The following SLC25A17 variants were observed in gnomAD, a reference collection of about 807,000 sequenced individuals.
SLC25A17 encodes solute carrier family 25 member 17, also known as peroxisomal membrane protein PMP34.
In SLC25A17, 26 loss-of-function variants were observed where a neutral mutation model predicts 38.5. The observed-to-expected ratio is 0.68, with a 90% CI of 0.50 to 0.94. The LOEUF is 0.94. Among genes scored for constraint, SLC25A17 ranks in the 40% least tolerant of loss-of-function variants. SLC25A17 has a pLI of 0.00. For synonymous variants in SLC25A17, 139 were observed against 136.2 expected, an observed-to-expected ratio of 1.02 and a Z score of -0.14; for missense variants, 333 against 372.7, an observed-to-expected ratio of 0.89 and a Z score of 0.88.
intron 4 of SLC25A17, among the ~76,000 whole-genome samples, chr22:40,785,671 G>A (rs942738539): frequency 3.9e-5 from 6 of 152,096 alleles, no homozygotes; most frequent in Non-Finnish European, 8.8e-5. Context: ...GGAAGCAACT[G>A]GAAGGCTCTG....
chr22:40,799,329 G>C (rs1186115427), intron 1 of SLC25A17, among the ~76,000 whole-genome samples: 1 of 151,232 alleles, frequency 6.6e-6, no homozygotes, highest in Non-Finnish European at 1.5e-5. Context: ...TAAAGATGGG[G>C]GTCTCACTTT....
At chr22:40,814,780 TATATATA>T (rs2057619742) in intron 1 of SLC25A17, among the ~76,000 whole-genome samples, 2 of 131,130 alleles carry the variant, frequency 1.5e-5, no homozygotes, top group Admixed American at 7.2e-5. Context: ...TATATATATA[TATATATA>T]TATTGTTGTT....
At chr22:40,812,018 T>A (rs1568989597) in intron 1 of SLC25A17, among the ~76,000 whole-genome samples, 1 of 151,938 alleles carries the variant, frequency 6.6e-6, no homozygotes, top group Non-Finnish European at 1.5e-5. Context: ...GATTTCTTTC[T>A]TTTTCTCTTT....
intron 7 of SLC25A17, among the ~76,000 whole-genome samples, chr22:40,776,737 A>C (rs1328870830): frequency 6.6e-6 from 1 of 151,998 alleles, no homozygotes; most frequent in Non-Finnish European, 1.5e-5. Context: ...TCTTCACACA[A>C]AAAAATTTTA....
intron 1 of SLC25A17, among the ~76,000 whole-genome samples, chr22:40,809,380 C>T (rs776967171): frequency 3.3e-5 from 5 of 151,434 alleles, no homozygotes; most frequent in East Asian, 1.9e-4. Context: ...TTTGGGAGGC[C>T]GAGGTGGGCG....
rs2057173030 is a variant in SLC25A17, at chr22:40,770,748, G to A, written c.*86C>T. ...GAGGGTAACATTTGTGGTGGCAGGA[G>A]CCAGAGTCAAGGGAGAATCACTTCT... On this transcript the variant is annotated 3_prime_UTR_variant, in exon 9 of 9. Transcript: ENST00000435456. 7.2e-7 allele frequency: 1 copy of A among 1,391,274 alleles called. No homozygotes were observed. Among genetic ancestry groups the A allele is most frequent in the Middle Eastern group, 2.4e-4 (1 of 4,230 alleles). The allele number at this position is 1,391,274 out of a possible 1,614,324, so 86.2% of individuals were successfully genotyped here.
chr22:40,816,346 G>A (rs1365180302), intron 1 of SLC25A17, among the ~76,000 whole-genome samples: 2 of 152,084 alleles, frequency 1.3e-5, no homozygotes, highest in Admixed American at 6.5e-5. Context: ...AGAAAACTAT[G>A]GCCTATGGGC....
chr22:40,817,939 C>G (rs1349625643), intron 1 of SLC25A17, among the ~76,000 whole-genome samples: 4 of 152,338 alleles, frequency 2.6e-5, no homozygotes, highest in African/African-American at 7.2e-5. Flanking sequence ...TCTGGCTGAA[C>G]TGAATGAACC....
Position 40,772,673 on chromosome 22 carries a change from T to C in SLC25A17, c.776+1264A>G, listed in dbSNP as rs566440346. 9.8e-4 allele frequency among the ~76,000 whole-genome samples: 149 copies of C among 152,158 alleles called. 2 individuals are homozygous for C. The highest frequency in any genetic ancestry group is 3.5e-3 in the African/African-American group (146 of 41,522). ...TTTTTTTATACAAGGTCTTGCCTCT[T>C]TAGCCCAGGCTGGAGTACAGTGGTG... On this transcript the variant is annotated intron_variant, in intron 8 of 8. Transcript: ENST00000435456.
Position 40,779,145 on chromosome 22 carries a change from GA to G in SLC25A17, c.335-21del. On this transcript the variant is annotated intron_variant, in intron 4 of 8. Transcript: ENST00000435456. ...CCACTCCTTTAACAAGAAAGATGGA[GA>G]GAAAAAGGGAAGGCAAAATGTCAGC... is the stretch of plus-strand genomic sequence containing the variant. 1 of 1,614,120 alleles carries G rather than the reference GA, an allele frequency of 6.2e-7. No individual in the cohort carries two copies. Among genetic ancestry groups the G allele is most frequent in the East Asian group, 2.2e-5 (1 of 44,888 alleles).
intron 7 of SLC25A17, among the ~76,000 whole-genome samples, chr22:40,775,062 C>T (rs912520390): frequency 4.6e-5 from 7 of 152,156 alleles, no homozygotes; most frequent in African/African-American, 1.7e-4. Context: ...CAATTCACCA[C>T]ATAATAGCCA....
chr22:40,814,627 G>A (rs959018173), intron 1 of SLC25A17, among the ~76,000 whole-genome samples: 1 of 151,990 alleles, frequency 6.6e-6, no homozygotes, highest in African/African-American at 2.4e-5. Context: ...ACAAATGTGT[G>A]TGTACCTGGT....
At chr22:40,812,164 TG>T (rs200419214) in intron 1 of SLC25A17, among the ~76,000 whole-genome samples, 2,231 of 152,104 alleles carry the variant, frequency 0.015, 20 homozygotes, top group Non-Finnish European at 0.022. Flanking sequence ...CAAAGTGCTA[TG>T]ATTACAGGCG....
chr22:40,795,153 C>A (rs1251208462), intron 2 of SLC25A17, among the ~76,000 whole-genome samples: 1 of 152,170 alleles, frequency 6.6e-6, no homozygotes, highest in Non-Finnish European at 1.5e-5. Flanking sequence ...CTAGGTTGCC[C>A]CAGAACTAAA....
chr22:40,773,410 CAAAA>C (rs59479764), intron 8 of SLC25A17, among the ~76,000 whole-genome samples: 1 of 74,336 alleles, frequency 1.3e-5, no homozygotes. Context: ...ACTCTGTCTC[CAAAA>C]AAAAAAAAAA....
chr22:40,817,965 G>A (rs183444945), intron 1 of SLC25A17, among the ~76,000 whole-genome samples: 71 of 152,306 alleles, frequency 4.7e-4, no homozygotes, highest in Non-Finnish European at 7.5e-4. Flanking sequence ...TCCTGAATTA[G>A]GCATTTTCAT....
chr22:40,788,343 C>T (rs1485407106), intron 4 of SLC25A17, among the ~76,000 whole-genome samples: 1 of 152,096 alleles, frequency 6.6e-6, no homozygotes, highest in East Asian at 1.9e-4. Context: ...TAAACTAATT[C>T]ACAGCTGTAG....
intron 2 of SLC25A17, among the ~76,000 whole-genome samples, chr22:40,798,477 C>A (rs749476736): frequency 6.6e-6 from 1 of 151,932 alleles, no homozygotes; most frequent in Non-Finnish European, 1.5e-5. Flanking sequence ...GTCAAGGGGC[C>A]TCTAGAGTGG....
chr22:40,770,936 C>T lies in SLC25A17; in HGVS notation c.822G>A (p.Leu274=), dbSNP rs1246881494. 2 of 1,612,112 alleles carry T rather than the reference C, an allele frequency of 1.2e-6. No individual in the cohort carries two copies. Among genetic ancestry groups the T allele is most frequent in the Admixed American group, 3.3e-5 (2 of 59,926 alleles). The change falls in exon 9 of 9, where the codon CTG becomes CTA. Residue 274 remains leucine (L), a synonymous_variant. Transcript: ENST00000435456. ...MGLYKGLEAK[L]LQTVLTAALM... ...GAGCAGCAGTGAGGACTGTCTGCAG[C>T]AGTTTGGCTTCAAGGCCTTTGTAGA...
Sources: allele counts gnomAD v4.1 joint callset (sites outside exome capture counted in the v4.1 genomes callset), GRCh38; gene constraint gnomAD v4.1.1; transcripts MANE v1.5; gene names NCBI Gene and HGNC (gene_info 2026-07-23, HGNC 2026-07-21).